The following RAB40C variants were observed in gnomAD, a reference collection of about 807,000 sequenced individuals.
RAB40C encodes RAB40C, member RAS oncogene family.
RAB40C carries 8 observed loss-of-function variants against 28.1 expected under a neutral mutation model. That is an observed-to-expected ratio of 0.28 (90% CI 0.17 to 0.51). The LOEUF (loss-of-function observed/expected upper bound fraction) is 0.51. Among genes scored for constraint, RAB40C ranks in the 20% least tolerant of loss-of-function variants. The pLI is 0.97. For synonymous variants in RAB40C, 201 were observed against 171.7 expected (o/e 1.17, Z -1.34); for missense variants, 288 against 405.9 (o/e 0.71, Z 2.50).
At position 601,901 on chromosome 16, in the gene RAB40C, G is replaced by C. The variant is rs1395461196; in HGVS notation, c.142+11468G>C. 3.3e-5 allele frequency among the ~76,000 whole-genome samples: 5 copies of C among 151,626 alleles called. No homozygotes were observed. In the East Asian group the frequency reaches 9.7e-4, roughly 29 times the overall value. On this transcript the variant is annotated intron_variant, in intron 1 of 5. Coordinates refer to ENST00000248139, the MANE Select transcript of RAB40C (RefSeq NM_021168.5). ...CCAGCACTTTGGGAGGCCGAGGTGGGTGGATCACGAGGTCAGGAGATTGGG... is the reference window on the plus strand; with the variant it reads ...CCAGCACTTTGGGAGGCCGAGGTGGCTGGATCACGAGGTCAGGAGATTGGG...
intron 1 of RAB40C, among the ~76,000 whole-genome samples, chr16:592,205 C>G (rs1436791767): frequency 6.6e-6 from 1 of 152,234 alleles, no homozygotes; most frequent in Non-Finnish European, 1.5e-5. Flanking sequence ...GGGCTCTTGT[C>G]CGTCCTGTCT....
At chr16:602,712 C>T (rs1410025314) in intron 1 of RAB40C, among the ~76,000 whole-genome samples, 3 of 152,112 alleles carry the variant, frequency 2.0e-5, no homozygotes, top group Non-Finnish European at 4.4e-5. Flanking sequence ...GGATTACAGG[C>T]GTGAGCCACT....
chr16:620,548 G>C (rs1044213470), intron 3 of RAB40C, among the ~76,000 whole-genome samples: 29 of 152,264 alleles, frequency 1.9e-4, no homozygotes, highest in African/African-American at 6.7e-4. Context: ...GACAATAAAG[G>C]GTTGTTGGGG....
chr16:590,314 T>A lies in RAB40C; in HGVS notation c.23T>A (p.Val8Glu). The change falls in exon 1 of 6, where the codon GTG becomes GAG. Residue 8 changes from valine (V) to glutamate (E), a missense_variant. Coordinates refer to ENST00000248139, the MANE Select transcript of RAB40C (RefSeq NM_021168.5). MGSQGSP[V>E]KSYDYLLKFL... ...GCCATGGGCTCGCAGGGCAGTCCGG[T>A]GAAGAGCTACGACTACCTGCTCAAG... The A allele has an allele frequency of 1.3e-6, 2 of 1,574,436 alleles. No homozygotes were observed. Among genetic ancestry groups the A allele is most frequent in the South Asian group, 2.3e-5 (2 of 87,270 alleles).
At chr16:620,385 C>T (rs899680709) in intron 3 of RAB40C, among the ~76,000 whole-genome samples, 1 of 151,960 alleles carries the variant, frequency 6.6e-6, no homozygotes, top group Non-Finnish European at 1.5e-5. Flanking sequence ...GAGTGAAACT[C>T]CATCTCAAAA....
Position 617,248 on chromosome 16 carries a change from G to A in RAB40C, c.183G>A (p.Arg61=). Residue 61 remains arginine, a synonymous_variant, in exon 2 of 6, where the codon CGG becomes CGA. Transcript: ENST00000248139. ...CCACCACCATCCTGCTGGACGGCCG[G>A]CGCGTGAAGCTGGAGCTCTGGTGAG... ...YKTTTILLDG[R]RVKLELWDTS... 2.5e-6 allele frequency: 4 copies of A among 1,614,172 alleles called. No homozygotes were observed. The highest frequency in any genetic ancestry group is 3.4e-6 in the Non-Finnish European group (4 of 1,180,022).
intron 1 of RAB40C, among the ~76,000 whole-genome samples, chr16:613,326 G>A (rs1166054237): frequency 5.3e-5 from 8 of 151,658 alleles, no homozygotes; most frequent in Non-Finnish European, 7.4e-5. Context: ...AGCCGCCCTC[G>A]CCTGTAGAAT....
intron 1 of RAB40C, among the ~76,000 whole-genome samples, chr16:593,966 C>T (rs887290143): frequency 2.0e-5 from 3 of 152,178 alleles, no homozygotes; most frequent in African/African-American, 7.2e-5. Context: ...GAGGAGAAAG[C>T]TGCAGTTCAG....
chr16:625,398 G>C, intron 3 of RAB40C, 34 bp from the exon 4 acceptor site: 1 of 1,607,666 alleles, frequency 6.2e-7, no homozygotes, highest in Non-Finnish European at 8.5e-7. Context: ...ATGCGTGTCA[G>C]TGACCCCTGA....
chr16:599,301 T>A (rs2036199547), intron 1 of RAB40C, among the ~76,000 whole-genome samples: 1 of 152,210 alleles, frequency 6.6e-6, no homozygotes, highest in South Asian at 2.1e-4. Flanking sequence ...GCCAAGGCAG[T>A]GTCAGGCTGA....
At chr16:609,057 G>C (rs78273064) in intron 1 of RAB40C, among the ~76,000 whole-genome samples, 2,202 of 152,312 alleles carry the variant, frequency 0.014, 52 homozygotes, top group African/African-American at 0.049. Flanking sequence ...GGAGGCTGCA[G>C]TGAGCCTTGG....
chr16:591,534 G>A (rs1304079889), intron 1 of RAB40C, among the ~76,000 whole-genome samples: 5 of 152,138 alleles, frequency 3.3e-5, no homozygotes, highest in South Asian at 2.1e-4. Flanking sequence ...TGTGCTAGAA[G>A]AAAATACCTC....
intron 1 of RAB40C, among the ~76,000 whole-genome samples, chr16:595,018 C>G (rs1435302081): frequency 6.6e-6 from 1 of 152,028 alleles, no homozygotes; most frequent in African/African-American, 2.4e-5. Context: ...CAGGTTTCAC[C>G]ATGTTGGCTA....
intron 1 of RAB40C, among the ~76,000 whole-genome samples, chr16:609,069 C>G (rs1478926236): frequency 6.6e-6 from 1 of 152,150 alleles, no homozygotes; most frequent in African/African-American, 2.4e-5. Context: ...GAGCCTTGGC[C>G]TCACCACTGC....
Position 622,478 on chromosome 16 carries a change from T to C in RAB40C, c.265-2954T>C, listed in dbSNP as rs117605911. 1.9e-3 allele frequency among the ~76,000 whole-genome samples: 286 copies of C among 152,314 alleles called. 10 individuals are homozygous for C. In the East Asian group the frequency reaches 0.047, roughly 25 times the overall value. On this transcript the variant is annotated intron_variant, in intron 3 of 5. Transcript: ENST00000248139. ...GGGCCTAGAGCAGGGCGAGCGCGCG[T>C]CCTGACTCATCCCCTAGAGCACTCG...
intron 3 of RAB40C, among the ~76,000 whole-genome samples, chr16:621,948 C>T (rs985854065): frequency 2.6e-5 from 4 of 152,142 alleles, no homozygotes; most frequent in Non-Finnish European, 4.4e-5. Flanking sequence ...CGCGGCTTGG[C>T]AGTAGCTCCC....
At chr16:626,586 C>A (rs1453794362) in intron 5 of RAB40C, among the ~76,000 whole-genome samples, 1 of 152,186 alleles carries the variant, frequency 6.6e-6, no homozygotes, top group African/African-American at 2.4e-5. Flanking sequence ...TGGTGCCTCC[C>A]AGCAGGGTTC....
rs1165398172 is a variant in RAB40C at position 617,053 on chromosome 16, C to T, written c.143-155C>T. 10 of 777,176 alleles carry T rather than the reference C, an allele frequency of 1.3e-5. No individual in the cohort carries two copies. The African/African-American group carries it at 1.4e-4, about 11-fold the overall frequency. The allele number at this position is 777,176 out of a possible 1,614,324, so 48.1% of individuals were successfully genotyped here. ...GGCCTGGGTTGCTGGGCCAGAGCCCCGAGATTTCCCCCTGCCCCACTGGCT... is the reference window on the plus strand; with the variant it reads ...GGCCTGGGTTGCTGGGCCAGAGCCCTGAGATTTCCCCCTGCCCCACTGGCT... On this transcript the variant is annotated intron_variant, in intron 1 of 5. Transcript: ENST00000248139.
intron 3 of RAB40C, chr16:624,547 G>A: frequency 1.0e-6 from 1 of 985,456 alleles, no homozygotes; most frequent in Non-Finnish European, 1.2e-6. Flanking sequence ...GATATCGAAA[G>A]ATGGTTCTAA....
Sources: allele counts gnomAD v4.1 joint callset (sites outside exome capture counted in the v4.1 genomes callset), GRCh38; gene constraint gnomAD v4.1.1; transcripts MANE v1.5; gene names NCBI Gene and HGNC (gene_info 2026-07-23, HGNC 2026-07-21).